MAP4: variants seen among roughly 807,000 people sequenced by gnomAD.
MAP4 encodes the protein microtubule-associated protein 4.
In MAP4, 76 loss-of-function variants were observed where a neutral mutation model predicts 170.2. That is an observed-to-expected ratio of 0.45 (90% CI 0.37 to 0.54). MAP4 has a LOEUF of 0.54. Ranked by LOEUF, MAP4 falls within the 20% of genes least tolerant of loss-of-function variation. The pLI is 0.00. For missense variants in MAP4, 2,506 were observed against 2,748.0 expected (o/e 0.91, Z 1.97); for synonymous variants, 909 against 994.5 (o/e 0.91, Z 1.62).
intron 2 of MAP4, among the ~76,000 whole-genome samples, chr3:47,997,468 T>C (rs2100096612): frequency 6.6e-6 from 1 of 151,494 alleles, no homozygotes; most frequent in African/African-American, 2.4e-5. Context: ...AAAATGGTGA[T>C]TAGAGGGTAA....
chr3:48,069,983 T>C (rs965343599), intron 1 of MAP4, among the ~76,000 whole-genome samples: 2 of 152,024 alleles, frequency 1.3e-5, no homozygotes, highest in African/African-American at 4.8e-5. Context: ...GAAAAAAAAT[T>C]TTTTTTCTGA....
intron 1 of MAP4, among the ~76,000 whole-genome samples, chr3:48,023,740 C>T (rs557299622): frequency 6.6e-6 from 1 of 152,206 alleles, no homozygotes; most frequent in South Asian, 2.1e-4. Context: ...GAGATTTTTG[C>T]AATTGATGTA....
chr3:47,959,629 G>T (rs2100070221), intron 3 of MAP4, among the ~76,000 whole-genome samples: 1 of 151,126 alleles, frequency 6.6e-6, no homozygotes, highest in Admixed American at 6.6e-5. Context: ...CGTGGTGGCG[G>T]GAGCCTGTAG....
At position 47,853,323 on chromosome 3, in the gene MAP4, CAGA is replaced by C. The variant is rs764039044; in HGVS notation, c.6723_6725del (p.Leu2242del). ...CCTCCCCAGCAGGGGGACCCGGACACAGAGGAGCCTCGCTGCCACCGCCCTCAG... is the reference window on the plus strand; with the variant it reads ...CCTCCCCAGCAGGGGGACCCGGACACGGAGCCTCGCTGCCACCGCCCTCAG... On this transcript the variant is annotated inframe_deletion, in exon 20 of 21. Coordinates refer to ENST00000683076, the MANE Select transcript of MAP4 (RefSeq NM_001385682.1). 13 of 1,610,486 alleles carry C rather than the reference CAGA, an allele frequency of 8.1e-6. No homozygotes were observed. The highest frequency in any genetic ancestry group is 6.7e-5 in the Admixed American group (4 of 59,768).
intron 1 of MAP4, among the ~76,000 whole-genome samples, chr3:48,061,175 T>C (rs1481991766): frequency 6.6e-6 from 1 of 151,344 alleles, no homozygotes; most frequent in Non-Finnish European, 1.5e-5. Flanking sequence ...AATATGAAAA[T>C]GAACACCTCC....
rs13058980 is a variant in MAP4 at position 48,070,663 on chromosome 3, A to G, written c.-20+18110T>C. ...TAGAACAGGTTGGAAGTGTGGACCC[A>G]CCAATACATTCTTTTAAAAAAATTT... On this transcript the variant is annotated intron_variant, in intron 1 of 18. Transcript: ENST00000360240. Among the ~76,000 whole-genome samples, 5 of 151,802 alleles carry G rather than the reference A, an allele frequency of 3.3e-5. No individual in the cohort carries two copies. The East Asian group carries it at 9.7e-4, about 29-fold the overall frequency.
chr3:48,039,685 C>T (rs1424275959), intron 1 of MAP4, among the ~76,000 whole-genome samples: 1 of 152,062 alleles, frequency 6.6e-6, no homozygotes, highest in Non-Finnish European at 1.5e-5. Context: ...TAAAGCAGTC[C>T]AAATGGTTCT....
chr3:47,987,524 A>G (rs1159363697), intron 2 of MAP4: 14 of 837,026 alleles, frequency 1.7e-5, no homozygotes, highest in Non-Finnish European at 2.5e-5. Context: ...CAACTCTAGC[A>G]AAAGCTTTAT....
At chr3:48,072,862 G>T (rs1397552417) in intron 1 of MAP4, among the ~76,000 whole-genome samples, 2 of 152,164 alleles carry the variant, frequency 1.3e-5, no homozygotes, top group East Asian at 1.9e-4. Flanking sequence ...ACATACATTT[G>T]CCAGTAGAGA....
At chr3:47,998,913 A>C (rs1226658061) in intron 1 of MAP4, 34 bp from the exon 2 acceptor site, 1 of 1,198,614 alleles carries the variant, frequency 8.3e-7, no homozygotes, top group South Asian at 1.2e-5. Flanking sequence ...TCATGTAACG[A>C]GCACTGCAAA....
chr3:47,903,636 G>T (rs1225707562), intron 9 of MAP4, among the ~76,000 whole-genome samples: 1 of 151,492 alleles, frequency 6.6e-6, no homozygotes, highest in African/African-American at 2.4e-5. Flanking sequence ...AGTATGCAAA[G>T]AAACCTTCTG....
intron 2 of MAP4, among the ~76,000 whole-genome samples, chr3:47,986,273 G>A (rs563839322): frequency 6.6e-6 from 1 of 152,072 alleles, no homozygotes; most frequent in South Asian, 2.1e-4. Context: ...CCACCATCCT[G>A]GCTTGCTTGC....
intron 1 of MAP4, among the ~76,000 whole-genome samples, chr3:48,010,487 T>C (rs924890566): frequency 1.3e-5 from 2 of 152,164 alleles, no homozygotes; most frequent in Admixed American, 6.5e-5. Context: ...GGGTTGGGGA[T>C]TGGTGTGTTT....
chr3:47,863,047 G>A (rs1429727847), intron 17 of MAP4, among the ~76,000 whole-genome samples: 1 of 151,688 alleles, frequency 6.6e-6, no homozygotes, highest in Non-Finnish European at 1.5e-5. Flanking sequence ...CACAATCTCG[G>A]CTCACCATAA....
At chr3:48,045,685 G>C (rs1054461133) in intron 1 of MAP4, among the ~76,000 whole-genome samples, 3 of 152,150 alleles carry the variant, frequency 2.0e-5, no homozygotes, top group African/African-American at 7.2e-5. Flanking sequence ...AATTTATTAG[G>C]GGTAGTTTAA....
intron 1 of MAP4, among the ~76,000 whole-genome samples, chr3:48,080,601 C>A (rs768589996): frequency 6.6e-6 from 1 of 152,064 alleles, no homozygotes; most frequent in Non-Finnish European, 1.5e-5. Context: ...AATCCCAGAA[C>A]TTTGGGAGGC....
At chr3:47,934,532 G>T (rs187023704) in intron 3 of MAP4, among the ~76,000 whole-genome samples, 42 of 152,218 alleles carry the variant, frequency 2.8e-4, no homozygotes, top group African/African-American at 9.9e-4. Flanking sequence ...GAACTTCTGG[G>T]CTCAAGGAGT....
intron 12 of MAP4, among the ~76,000 whole-genome samples, chr3:47,874,292 T>A (rs1198080584): frequency 6.6e-6 from 1 of 151,926 alleles, no homozygotes; most frequent in Non-Finnish European, 1.5e-5. Context: ...ATGTGGTGAA[T>A]CCCCAGCTCT....
At position 47,915,973 on chromosome 3, in the gene MAP4, T is replaced by C. The variant is rs377429340; in HGVS notation, c.1854A>G (p.Ala618=). Residue 618 remains alanine, a synonymous_variant, in exon 7 of 21, where the codon GCA becomes GCG. Transcript: ENST00000683076. ...TACCTGGTGAAATCATGAAAGTAGG[T>C]GCAGCTGACTGCCCCACATCCTGCA... ...ESLQDVGQSA[A]PTFMISPETV... is the part of the protein sequence containing the mutation. The C allele has an allele frequency of 6.2e-7, 1 of 1,612,806 alleles. No homozygotes were observed. The highest frequency in any genetic ancestry group is 2.2e-5 in the East Asian group (1 of 44,884).
Sources: gnomAD v4.1 joint callset for allele counts (sites outside exome capture counted in the v4.1 genomes callset) on GRCh38, gnomAD v4.1.1 for gene constraint, MANE v1.5 for transcripts, NCBI Gene and HGNC (gene_info 2026-07-23, HGNC 2026-07-21) for gene names.